Variants in FRMPD4 observed in about 807,000 individuals in gnomAD.
FRMPD4 encodes FERM and PDZ domain containing 4.
FRMPD4 carries 22 observed loss-of-function variants against 94.1 expected under a neutral mutation model. The ratio of observed to expected loss-of-function variants is 0.23; its 90% confidence interval spans 0.17 to 0.33. FRMPD4 has a LOEUF of 0.33. Ranked by LOEUF, FRMPD4 falls within the 10% of genes least tolerant of loss-of-function variation. The pLI, the probability that FRMPD4 is intolerant of heterozygous loss-of-function variation, is 1.00. For missense variants in FRMPD4, 1,111 were observed against 1,339.9 expected (o/e 0.83, Z 2.67); for synonymous variants, 631 against 548.6 (o/e 1.15, Z -2.10).
At position 12,717,970 on chromosome X, in the gene FRMPD4, A is replaced by C. The variant is rs1181303497; in HGVS notation, c.3144A>C (p.Lys1048Asn). ...CTAATGGGAACACAACAGGAAAAAAACAGCAGGGGACCAAAACGGCAGAGA... is the reference window on the plus strand; with the variant it reads ...CTAATGGGAACACAACAGGAAAAAACCAGCAGGGGACCAAAACGGCAGAGA... ...APPNGNTTGK[K>N]QQGTKTAEME... Residue 1048 changes from lysine (K) to asparagine (N), a missense_variant, in exon 16 of 17, where the codon AAA (lysine) becomes AAC (asparagine). Transcript: ENST00000675598. The C allele has an allele frequency of 2.5e-6, 3 of 1,211,765 alleles. No individual in the cohort carries two copies. Among genetic ancestry groups the C allele is most frequent in the Admixed American group, 2.2e-5 (1 of 46,144 alleles).
intron 2 of FRMPD4, among the ~76,000 whole-genome samples, chrX:12,609,222 G>A (rs775165513): frequency 1.8e-5 from 2 of 111,437 alleles, no homozygotes; most frequent in African/African-American, 6.5e-5. Context: ...AACAACAGGG[G>A]ATGGTCTTGC....
At chrX:12,119,882 G>A (rs778808103) in intron 3 of FRMPD4, among the ~76,000 whole-genome samples, 6 of 112,582 alleles carry the variant, frequency 5.3e-5, no homozygotes, top group Non-Finnish European at 7.5e-5. Context: ...AGTCACAGGA[G>A]TATAAACTAG....
chrX:12,396,717 GTGTC>G (rs2148046867), intron 1 of FRMPD4, among the ~76,000 whole-genome samples: 1 of 111,859 alleles, frequency 8.9e-6, no homozygotes, highest in African/African-American at 3.2e-5. Flanking sequence ...ACATGTTTGT[GTGTC>G]TGTGTCAAGT....
intron 2 of FRMPD4, among the ~76,000 whole-genome samples, chrX:12,583,012 C>A (rs1357201506): frequency 8.9e-6 from 1 of 112,161 alleles, no homozygotes; most frequent in East Asian, 2.8e-4. Context: ...TCCAACTGAT[C>A]CTTTAAGATT....
At chrX:12,315,482 T>C (rs751006799) in intron 1 of FRMPD4, among the ~76,000 whole-genome samples, 2 of 111,801 alleles carry the variant, frequency 1.8e-5, no homozygotes, top group African/African-American at 3.3e-5. Context: ...ATTTGGTGGG[T>C]TTGCAGGAAG....
intron 1 of FRMPD4, among the ~76,000 whole-genome samples, chrX:12,340,629 C>A (rs6640973): frequency 0.18 from 19,987 of 111,251 alleles, 4,378 homozygotes; most frequent in African/African-American, 0.62. Flanking sequence ...AGGTCTGCAC[C>A]ATTTCTCTCT....
chrX:11,881,307 C>T (rs1223501124), intron 3 of FRMPD4, among the ~76,000 whole-genome samples: 1 of 111,867 alleles, frequency 8.9e-6, no homozygotes, highest in Non-Finnish European at 1.9e-5. Context: ...GGGTATTTAC[C>T]CTAGAAGAAT....
chrX:12,317,140 A>C (rs987114785), intron 1 of FRMPD4, among the ~76,000 whole-genome samples: 1 of 111,540 alleles, frequency 9.0e-6, no homozygotes, highest in Non-Finnish European at 1.9e-5. Flanking sequence ...TAAGAAACAG[A>C]TTTCCTTTAT....
intron 2 of FRMPD4, among the ~76,000 whole-genome samples, chrX:12,584,408 C>A (rs2058902035): frequency 9.0e-6 from 1 of 111,541 alleles, no homozygotes; most frequent in Admixed American, 9.5e-5. Flanking sequence ...TTCACACACA[C>A]AAAACAACTA....
intron 3 of FRMPD4, among the ~76,000 whole-genome samples, chrX:11,951,561 G>A (rs568338259): frequency 2.2e-3 from 247 of 111,796 alleles, no homozygotes; most frequent in African/African-American, 7.7e-3. Context: ...TGGACACATA[G>A]AGGGGAACAA....
At chrX:12,511,761 G>GA (rs56089925) in intron 2 of FRMPD4, among the ~76,000 whole-genome samples, 26,231 of 109,679 alleles carry the variant, frequency 0.24, 2,368 homozygotes, top group Middle Eastern at 0.27. Flanking sequence ...CAAACTTGAG[G>GA]AAAAAAAATG....
chrX:12,231,785 A>T (rs2057012241), intron 1 of FRMPD4, among the ~76,000 whole-genome samples: 4 of 111,723 alleles, frequency 3.6e-5, no homozygotes, highest in African/African-American at 1.3e-4. Flanking sequence ...GATGAGATTT[A>T]AAAACTCCAT....
At chrX:12,499,140 C>T (rs766127207) in intron 2 of FRMPD4, among the ~76,000 whole-genome samples, 3 of 111,059 alleles carry the variant, frequency 2.7e-5, no homozygotes, top group Non-Finnish European at 3.8e-5. Flanking sequence ...GATTAACAAC[C>T]GAAGTTGGAC....
intron 3 of FRMPD4, among the ~76,000 whole-genome samples, chrX:11,996,180 T>G (rs1292263086): frequency 8.9e-6 from 1 of 112,053 alleles, no homozygotes; most frequent in Non-Finnish European, 1.9e-5. Flanking sequence ...AGTGCATTGA[T>G]TTTTGTAACA....
chrX:12,525,091 C>T (rs750131709), intron 2 of FRMPD4, among the ~76,000 whole-genome samples: 24 of 111,064 alleles, frequency 2.2e-4, no homozygotes, highest in African/African-American at 3.9e-4. Flanking sequence ...TACAGTCTGA[C>T]GGAGGAGACT....
At chrX:12,508,732 G>A (rs183807956) in intron 2 of FRMPD4, among the ~76,000 whole-genome samples, 153 of 110,994 alleles carry the variant, frequency 1.4e-3, no homozygotes, top group African/African-American at 4.7e-3. Flanking sequence ...GGTGGCTCAC[G>A]CTTGTAATCC....
chrX:12,505,326 C>G lies in FRMPD4; in HGVS notation c.158+6530C>G, dbSNP rs775942161. Among the ~76,000 whole-genome samples the G allele has an allele frequency of 2.5e-3, 279 of 111,637 alleles. 1 individual carries two copies. Among genetic ancestry groups the G allele is most frequent in the African/African-American group, 8.7e-3 (267 of 30,675 alleles). On this transcript the variant is annotated intron_variant, in intron 2 of 16. Coordinates refer to ENST00000675598, the MANE Select transcript of FRMPD4 (RefSeq NM_001368397.1). Reference sequence around the variant, plus strand: ...AAATTCTGGCCTGTGCCAAATGCCACGTGGGGGTGTGGGTGTTGCTGCCAA... The same window carrying G: ...AAATTCTGGCCTGTGCCAAATGCCAGGTGGGGGTGTGGGTGTTGCTGCCAA...
At chrX:12,693,930 C>T (rs2060102476) in intron 8 of FRMPD4, among the ~76,000 whole-genome samples, 1 of 111,444 alleles carries the variant, frequency 9.0e-6, no homozygotes, top group Non-Finnish European at 1.9e-5. Flanking sequence ...CATCAGTGCT[C>T]CTTTGGCTGA....
chrX:12,378,362 C>T (rs904182938), intron 1 of FRMPD4, among the ~76,000 whole-genome samples: 3 of 112,537 alleles, frequency 2.7e-5, no homozygotes, highest in South Asian at 3.7e-4. Context: ...TTAGTTTTAA[C>T]GGGAGCGAAG....
Sources: gnomAD v4.1 joint callset for allele counts (sites outside exome capture counted in the v4.1 genomes callset) on GRCh38, gnomAD v4.1.1 for gene constraint, MANE v1.5 for transcripts, NCBI Gene and HGNC (gene_info 2026-07-23, HGNC 2026-07-21) for gene names.